Variants in ATG4B observed in about 807,000 individuals in gnomAD.
ATG4B encodes the protein cysteine protease ATG4B.
Under a neutral mutation model 56.6 loss-of-function variants are expected in ATG4B, and 29 were observed. The observed-to-expected ratio is 0.51, with a 90% CI of 0.38 to 0.70. The LOEUF (loss-of-function observed/expected upper bound fraction) is 0.70. ATG4B is among the 30% of genes least tolerant of loss of function. The pLI is 0.00. For synonymous variants in ATG4B, 224 were observed against 206.1 expected (o/e 1.09, Z -0.74); for missense variants, 461 against 515.5 (o/e 0.89, Z 1.02).
At position 241,651,628 on chromosome 2, in the gene ATG4B, TAGAA is replaced by T. The variant is rs1336132838; in HGVS notation, c.184+296_184+299del. On this transcript the variant is annotated intron_variant, in intron 3 of 12. Coordinates refer to ENST00000404914, the MANE Select transcript of ATG4B (RefSeq NM_013325.5). The surrounding 1 kb of genome is among the most constrained non-coding windows in gnomAD (Gnocchi z 4.1). ...GTTTTAAATGTAGGACAGAATGTCATAGAAAGCGGTGTGTGTCCGCCACGGGCAC... is the reference window on the plus strand; with the variant it reads ...GTTTTAAATGTAGGACAGAATGTCATAGCGGTGTGTGTCCGCCACGGGCAC... Among the ~76,000 whole-genome samples, 1 of 152,246 alleles carries T rather than the reference TAGAA, an allele frequency of 6.6e-6. No homozygotes were observed. The highest frequency in any genetic ancestry group is 2.4e-5 in the African/African-American group (1 of 41,462).
Position 241,651,829 on chromosome 2 carries a change from G to A in ATG4B, c.184+494G>A. 3 of 1,168,782 alleles carry A rather than the reference G, an allele frequency of 2.6e-6. No individual in the cohort carries two copies. The highest frequency in any genetic ancestry group is 3.5e-6 in the Non-Finnish European group (3 of 865,902). The allele number at this position is 1,168,782 out of a possible 1,614,324, so 72.4% of individuals were successfully genotyped here. ...ACTTAACCTGTGGGGAGATTTGAAG[G>A]GCCAGGTGAATGTGACATGTTTTTA... On this transcript the variant is annotated intron_variant, in intron 3 of 12. Transcript: ENST00000404914. This position sits in a 1 kb window ranked among gnomAD's most constrained non-coding sequence, Gnocchi z 4.1.
intron 7 of ATG4B, 80 bp from the exon 8 acceptor site, chr2:241,666,565 C>T (rs758557647): frequency 1.7e-5 from 24 of 1,430,776 alleles, no homozygotes; most frequent in East Asian, 4.8e-5. Flanking sequence ...TTCTGTTACA[C>T]AGTCATCATT....
intron 1 of ATG4B, among the ~76,000 whole-genome samples, chr2:241,650,782 C>A (rs2068206181): frequency 6.6e-6 from 1 of 151,960 alleles, no homozygotes; most frequent in South Asian, 2.1e-4. Context: ...ACCTCCCTGT[C>A]CCCATACCTT....
rs376367719 is a variant in ATG4B, at chr2:241,668,679, C to T, written c.951C>T (p.Ile317=). ...RMSIAELDPS[I]AVGFFCKTED... ...GCATCGCGGAGCTTGACCCGTCCATCGCTGTGGTACGTGGCGGCCACCTGA... is the reference window on the plus strand; with the variant it reads ...GCATCGCGGAGCTTGACCCGTCCATTGCTGTGGTACGTGGCGGCCACCTGA... Residue 317 remains isoleucine (I), a synonymous_variant, in exon 10 of 13, where the codon ATC becomes ATT. Coordinates refer to ENST00000404914, the MANE Select transcript of ATG4B (RefSeq NM_013325.5). This position sits in a 1 kb window ranked among gnomAD's most constrained non-coding sequence, Gnocchi z 4.2. The T allele has an allele frequency of 4.1e-4, 642 of 1,571,374 alleles. 3 individuals carry two copies. Among genetic ancestry groups the T allele is most frequent in the Non-Finnish European group, 2.8e-4 (319 of 1,159,774 alleles).
At chr2:241,659,043 A>G in intron 6 of ATG4B, 65 bp from the exon 7 acceptor site, 1 of 1,312,584 alleles carries the variant, frequency 7.6e-7, no homozygotes, top group Non-Finnish European at 1.1e-6. Context: ...GCGCAGCTAT[A>G]GCTGCAAAGA....
intron 1 of ATG4B, among the ~76,000 whole-genome samples, chr2:241,639,843 A>C (rs1191923358): frequency 6.6e-6 from 1 of 152,198 alleles, no homozygotes; most frequent in African/African-American, 2.4e-5. Flanking sequence ...GTATATGTAA[A>C]ATAGGTGAAG....
intron 6 of ATG4B, 53 bp downstream of exon 6, chr2:241,655,396 G>C: frequency 6.5e-7 from 1 of 1,543,850 alleles, no homozygotes; most frequent in East Asian, 2.4e-5. Context: ...TGTTCCCTGG[G>C]GGTTAAATTC....
At chr2:241,654,728 C>A in intron 5 of ATG4B, 81 bp downstream of exon 5, 1 of 1,150,466 alleles carries the variant, frequency 8.7e-7, no homozygotes, top group Non-Finnish European at 1.3e-6. Flanking sequence ...CAGAGCTTTT[C>A]TGGTGTCGTG....
At chr2:241,644,996 T>A (rs1473705239) in intron 1 of ATG4B, among the ~76,000 whole-genome samples, 1 of 152,002 alleles carries the variant, frequency 6.6e-6, no homozygotes, top group African/African-American at 2.4e-5. Context: ...AAAAAAGTTA[T>A]CTTCCTCCAT....
intron 7 of ATG4B, among the ~76,000 whole-genome samples, chr2:241,666,337 G>A (rs1260825283): frequency 6.6e-6 from 1 of 152,248 alleles, no homozygotes; most frequent in African/African-American, 2.4e-5. Flanking sequence ...GGCAGGCTGC[G>A]TGGGTACTTC....
chr2:241,668,899 T>A lies in ATG4B; in HGVS notation c.957+214T>A. 1.5e-6 allele frequency: 1 copy of A among 665,672 alleles called. No individual in the cohort carries two copies. The highest frequency in any genetic ancestry group is 2.5e-6 in the Non-Finnish European group (1 of 401,188). The allele number at this position is 665,672 out of a possible 1,614,324, so 41.2% of individuals were successfully genotyped here. On this transcript the variant is annotated intron_variant, in intron 10 of 12. Coordinates refer to ENST00000404914, the MANE Select transcript of ATG4B (RefSeq NM_013325.5). This position sits in a 1 kb window ranked among gnomAD's most constrained non-coding sequence, Gnocchi z 4.2. ...GGCACCACCTCCTGTGCAGCCTTCA[T>A]GGCCTTCGAGTGGCCCAGAGAGCGT...
At chr2:241,669,140 C>T (rs899901482) in intron 10 of ATG4B, among the ~76,000 whole-genome samples, 3 of 152,028 alleles carry the variant, frequency 2.0e-5, no homozygotes, top group Non-Finnish European at 2.9e-5. Context: ...TCTGACTTGA[C>T]CTCTCTGGGG....
chr2:241,670,522 G>A (rs2068930985), intron 10 of ATG4B: 3 of 611,772 alleles, frequency 4.9e-6, no homozygotes. Flanking sequence ...AGCCTGAGGG[G>A]AGCCGGGCAC....
chr2:241,668,612 C>A lies in ATG4B; in HGVS notation c.884C>A (p.Pro295Gln). ...GAGCCCACTGATGGCTGCTTCATCC[C>A]GGACGAGAGCTTCCACTGCCAGCAC... The part of the protein sequence containing the change: ...AVEPTDGCFI[P>Q]DESFHCQHPP... Residue 295 changes from proline to glutamine, a missense_variant, in exon 10 of 13, where the codon CCG becomes CAG. By Grantham distance (76) the Pro-to-Gln change is moderately conservative (BLOSUM62 -1). Coordinates refer to ENST00000404914, the MANE Select transcript of ATG4B (RefSeq NM_013325.5). This position sits in a 1 kb window ranked among gnomAD's most constrained non-coding sequence, Gnocchi z 4.2. The A allele has an allele frequency of 1.3e-6, 2 of 1,593,334 alleles. No homozygotes were observed. Among genetic ancestry groups the A allele is most frequent in the Non-Finnish European group, 8.5e-7 (1 of 1,170,764 alleles).
At chr2:241,638,891 A>G (rs1489563086) in intron 1 of ATG4B, among the ~76,000 whole-genome samples, 1 of 152,148 alleles carries the variant, frequency 6.6e-6, no homozygotes, top group Non-Finnish European at 1.5e-5. Context: ...CTATTTTACA[A>G]CTGTTGTATT....
intron 7 of ATG4B, among the ~76,000 whole-genome samples, chr2:241,660,477 G>C (rs2068557708): frequency 6.6e-6 from 1 of 152,208 alleles, no homozygotes; most frequent in Non-Finnish European, 1.5e-5. Context: ...CTCCTTCCAG[G>C]ATTCTGTTCC....
rs200128364 is a variant in ATG4B at position 241,671,379 on chromosome 2, G to A, written c.1082G>A (p.Cys361Tyr). 6.2e-6 allele frequency: 10 copies of A among 1,613,566 alleles called. No individual in the cohort carries two copies. In the East Asian group the frequency reaches 1.8e-4, roughly 29 times the overall value. Reference sequence around the variant, plus strand: ...GAGCTGCAGCCTTCACATCTGGCCTGCCCCGACGTCCTGAACCTGTCCCTA... The same window carrying A: ...GAGCTGCAGCCTTCACATCTGGCCTACCCCGACGTCCTGAACCTGTCCCTA... ...LVELQPSHLA[C>Y]PDVLNLSLDS... The change falls in exon 12 of 13, where the codon TGC becomes TAC. Residue 361 changes from cysteine (C) to tyrosine (Y), a missense_variant. By Grantham distance (194) the Cys-to-Tyr change is radical (BLOSUM62 -2). Transcript: ENST00000404914.
intron 1 of ATG4B, among the ~76,000 whole-genome samples, chr2:241,641,167 A>G (rs887360876): frequency 6.6e-6 from 1 of 152,168 alleles, no homozygotes; most frequent in Non-Finnish European, 1.5e-5. Flanking sequence ...AGACAATAGA[A>G]TTTGTTTGTA....
At chr2:241,654,093 G>A (rs2068311777) in intron 4 of ATG4B, among the ~76,000 whole-genome samples, 1 of 151,630 alleles carries the variant, frequency 6.6e-6, no homozygotes, top group South Asian at 2.1e-4. Flanking sequence ...TGGCGTATAT[G>A]TATTTGAAAT....
Sources: gnomAD v4.1 joint callset for allele counts (sites outside exome capture counted in the v4.1 genomes callset) on GRCh38, gnomAD v4.1.1 for gene constraint, Gnocchi (gnomAD v3.1) non-coding constraint, MANE v1.5 for transcripts, NCBI Gene and HGNC (gene_info 2026-07-23, HGNC 2026-07-21) for gene names.